BRI3BP: variants seen among roughly 807,000 people sequenced by gnomAD.
The protein encoded by BRI3BP is BRI3-binding protein.
BRI3BP carries 7 observed loss-of-function variants against 15.8 expected under a neutral mutation model. The observed-to-expected ratio is 0.44, with a 90% CI of 0.25 to 0.83. BRI3BP has a LOEUF of 0.83. BRI3BP is among the 40% of genes least tolerant of loss of function. The pLI is 0.20. For synonymous variants in BRI3BP, 192 were observed against 163.5 expected, an observed-to-expected ratio of 1.17 and a Z score of -1.33; for missense variants, 320 against 339.3, an observed-to-expected ratio of 0.94 and a Z score of 0.45.
the BRI3BP span, among the ~76,000 whole-genome samples, chr12:125,044,806 A>G: frequency 1.3e-5 from 2 of 151,994 alleles, no homozygotes; most frequent in African/African-American, 4.8e-5. Context: ...GAGTCTTGCT[A>G]TGTCACTCAG....
At chr12:125,047,783 G>A in the BRI3BP span, among the ~76,000 whole-genome samples, 3 of 151,924 alleles carry the variant, frequency 2.0e-5, no homozygotes. Flanking sequence ...TGCAACCTCC[G>A]CTTTCCAGGT....
At chr12:125,023,814 G>A (rs1955322222) in intron 2 of BRI3BP, among the ~76,000 whole-genome samples, 1 of 152,216 alleles carries the variant, frequency 6.6e-6, no homozygotes, top group Non-Finnish European at 1.5e-5. Flanking sequence ...GCTCACACTT[G>A]TAATCCCAGC....
chr12:125,015,588 C>T (rs905158215), intron 2 of BRI3BP, among the ~76,000 whole-genome samples: 2 of 152,092 alleles, frequency 1.3e-5, no homozygotes, highest in East Asian at 3.9e-4. Context: ...CTGTTACATG[C>T]GGAATCTCTC....
chr12:125,036,536 AT>A, the BRI3BP span, among the ~76,000 whole-genome samples: 1 of 151,936 alleles, frequency 6.6e-6, no homozygotes, highest in African/African-American at 2.4e-5. Flanking sequence ...ATCTAAATAT[AT>A]CTTAACCATT....
intron 2 of BRI3BP, among the ~76,000 whole-genome samples, chr12:125,019,930 CTG>C (rs1955281884): frequency 1.4e-5 from 2 of 146,164 alleles, no homozygotes; most frequent in South Asian, 2.2e-4. Flanking sequence ...ATTCCATAGA[CTG>C]TGTGGCTTAT....
Position 125,008,299 on chromosome 12 carries a change from C to CT in BRI3BP, c.214-4213dup, listed in dbSNP as rs55697100. On this transcript the variant is annotated intron_variant, in intron 1 of 2. Transcript: ENST00000341446. The stretch of plus-strand genomic sequence containing the variant: ...AGGGGCAGTCACCCTCCTCTTCTTT[C>CT]TTTTTTTTTTTTTTTTTTTTTTGAT... Among the ~76,000 whole-genome samples, 878 of 99,916 alleles carry CT rather than the reference C, an allele frequency of 8.8e-3. 5 individuals carry two copies. The highest frequency in any genetic ancestry group is 0.022 in the South Asian group (60 of 2,764). The allele number at this position is 99,916 out of a possible 152,430, so 65.5% of individuals were successfully genotyped here.
chr12:124,998,187 G>T (rs943412180), intron 1 of BRI3BP, among the ~76,000 whole-genome samples: 3 of 152,028 alleles, frequency 2.0e-5, no homozygotes, highest in African/African-American at 4.8e-5. Flanking sequence ...AGCTACTTGG[G>T]AGGCTGAGGC....
At chr12:125,000,847 A>G (rs1003992919) in intron 1 of BRI3BP, among the ~76,000 whole-genome samples, 2 of 152,108 alleles carry the variant, frequency 1.3e-5, no homozygotes, top group Non-Finnish European at 2.9e-5. Flanking sequence ...ACTTTTTCCT[A>G]CAGAACCACA....
At chr12:124,996,778 A>C (rs1340678399) in intron 1 of BRI3BP, among the ~76,000 whole-genome samples, 7 of 129,076 alleles carry the variant, frequency 5.4e-5, no homozygotes, top group Admixed American at 2.5e-4. Flanking sequence ...TTTTTTTCCG[A>C]GATGGAGTAT....
chr12:125,020,696 G>A (rs1053871878), intron 2 of BRI3BP, among the ~76,000 whole-genome samples: 48 of 152,102 alleles, frequency 3.2e-4, no homozygotes, highest in African/African-American at 1.1e-3. Flanking sequence ...ACCATCCTTG[G>A]CAACACAGTG....
downstream of BRI3BP, among the ~76,000 whole-genome samples, chr12:125,032,436 C>T (rs1456940985): frequency 2.0e-5 from 3 of 149,332 alleles, no homozygotes; most frequent in East Asian, 2.0e-4. Context: ...CCAGCCTGGG[C>T]GACAGAGTGA....
intron 1 of BRI3BP, among the ~76,000 whole-genome samples, chr12:125,001,867 C>T (rs1955094715): frequency 6.6e-6 from 1 of 152,202 alleles, no homozygotes; most frequent in Admixed American, 6.6e-5. Flanking sequence ...AAAAGAAACT[C>T]TGTACCCATT....
At chr12:125,022,079 TAAAAA>T (rs57327862) in intron 2 of BRI3BP, among the ~76,000 whole-genome samples, 2 of 129,334 alleles carry the variant, frequency 1.5e-5, no homozygotes, top group African/African-American at 5.4e-5. Flanking sequence ...GACCCTGTCT[TAAAAA>T]AAAAAAAAAA....
downstream of BRI3BP, among the ~76,000 whole-genome samples, chr12:125,033,739 G>GTTTTTTTTTTTTTTTTTTTTTT (rs530776012): frequency 7.5e-6 from 1 of 132,944 alleles, no homozygotes; most frequent in African/African-American, 3.0e-5. Context: ...TGTTTTTCTG[G>GTTTTTTTTTTTTTTTTTTTTTT]TTTTTTTTTG....
Position 125,028,620 on chromosome 12 carries a change from GTAGAAATTCTGA to G in BRI3BP, c.*3204_*3215del, listed in dbSNP as rs1955377732. 6.6e-6 allele frequency: 1 copy of G among 152,080 alleles called. No homozygotes were observed. The highest frequency in any genetic ancestry group is 2.4e-5 in the African/African-American group (1 of 41,408). 9.4% of individuals were successfully genotyped at this position (152,080 alleles called of 1,614,324 possible). A position where few individuals can be genotyped will look rare whatever the true frequency, so the allele number is the denominator to read the frequency against. ...TACAGTTAGTAGGTGTCACCTCAGGGTAGAAATTCTGATAGAAATTCTGATTATTTGAAACTC... is the reference window on the plus strand; with the variant it reads ...TACAGTTAGTAGGTGTCACCTCAGGGTAGAAATTCTGATTATTTGAAACTC... On this transcript the variant is annotated 3_prime_UTR_variant, in exon 3 of 3. Coordinates refer to ENST00000341446, the MANE Select transcript of BRI3BP (RefSeq NM_080626.6).
At chr12:125,015,332 G>A (rs1011309648) in intron 2 of BRI3BP, among the ~76,000 whole-genome samples, 1 of 151,922 alleles carries the variant, frequency 6.6e-6, no homozygotes, top group Non-Finnish European at 1.5e-5. Context: ...GGAGAAGACG[G>A]CCATGCGAAA....
chr12:125,006,657 C>T (rs188410708), intron 1 of BRI3BP, among the ~76,000 whole-genome samples: 4 of 152,322 alleles, frequency 2.6e-5, no homozygotes, highest in South Asian at 2.1e-4. Context: ...GGGCACCTGC[C>T]GTGTGCTGGG....
At chr12:125,040,321 T>A in the BRI3BP span, among the ~76,000 whole-genome samples, 1 of 152,044 alleles carries the variant, frequency 6.6e-6, no homozygotes, top group Admixed American at 6.6e-5. Context: ...TTGTTTTTGT[T>A]TTTTCAAAGT....
chr12:125,050,739 TC>T, the BRI3BP span, among the ~76,000 whole-genome samples: 1 of 152,190 alleles, frequency 6.6e-6, no homozygotes, highest in Non-Finnish European at 1.5e-5. Context: ...ATGTGGGTGC[TC>T]TGAATTTTAA....
Sources: gnomAD v4.1 joint callset for allele counts (sites outside exome capture counted in the v4.1 genomes callset) on GRCh38, gnomAD v4.1.1 for gene constraint, MANE v1.5 for transcripts, NCBI Gene and HGNC (gene_info 2026-07-23, HGNC 2026-07-21) for gene names.